STXBP5L: variants seen among roughly 807,000 people sequenced by gnomAD.
The protein encoded by STXBP5L is syntaxin binding protein 5L.
STXBP5L carries 65 observed loss-of-function variants against 144.5 expected under a neutral mutation model. That is an observed-to-expected ratio of 0.45 (90% CI 0.37 to 0.55). The LOEUF is 0.55. STXBP5L is among the 20% of genes least tolerant of loss of function. The probability of loss-of-function intolerance (pLI) is 0.00; values close to 1 mark genes in which losing one functional copy is unlikely to be tolerated. For synonymous variants in STXBP5L, 505 were observed against 469.6 expected (o/e 1.08, Z -0.97); for missense variants, 1,298 against 1,405.5 (o/e 0.92, Z 1.22).
rs929196918 is a variant in STXBP5L, at chr3:121,420,080, A to G, written c.*983A>G. 2.0e-5 allele frequency: 3 copies of G among 152,170 alleles called. No individual in the cohort carries two copies. Among genetic ancestry groups the G allele is most frequent in the African/African-American group, 7.2e-5 (3 of 41,438 alleles). The allele number at this position is 152,170 out of a possible 1,614,324, so 9.4% of individuals were successfully genotyped here. A position where few individuals can be genotyped will look rare whatever the true frequency, so the allele number is the denominator to read the frequency against. Reference sequence around the variant, plus strand: ...AGTTACACAGTATATTACTGTTCAAACCCAGTAGGGTCTGCAATCGAAAGG... The same window carrying G: ...AGTTACACAGTATATTACTGTTCAAGCCCAGTAGGGTCTGCAATCGAAAGG... On this transcript the variant is annotated 3_prime_UTR_variant, in exon 27 of 27. Transcript: ENST00000471454.
chr3:121,016,967 A>G (rs1039398720), intron 3 of STXBP5L, among the ~76,000 whole-genome samples: 2 of 152,236 alleles, frequency 1.3e-5, no homozygotes, highest in African/African-American at 4.8e-5. Flanking sequence ...TATCAAATCC[A>G]GACAAAGACA....
intron 20 of STXBP5L, among the ~76,000 whole-genome samples, chr3:121,367,790 C>CTTTTTTTTTTTTTTTTTT (rs200992044): frequency 9.4e-6 from 1 of 106,304 alleles, no homozygotes; most frequent in Non-Finnish European, 1.8e-5. Flanking sequence ...TTTGCTTTTC[C>CTTTTTTTTTTTTTTTTTT]TTTTTTTTTT....
chr3:121,194,412 T>G (rs1456700418), intron 9 of STXBP5L, among the ~76,000 whole-genome samples: 1 of 152,172 alleles, frequency 6.6e-6, no homozygotes, highest in Non-Finnish European at 1.5e-5. Flanking sequence ...TTTATTTATT[T>G]ATTTTTCAGT....
chr3:121,048,969 C>T (rs1384545153), intron 5 of STXBP5L, among the ~76,000 whole-genome samples: 1 of 152,154 alleles, frequency 6.6e-6, no homozygotes, highest in Admixed American at 6.6e-5. Flanking sequence ...TCCTCTCAAT[C>T]CCAAGGGCAA....
At chr3:121,039,197 AT>A (rs1157585043) in intron 3 of STXBP5L, among the ~76,000 whole-genome samples, 15 of 151,718 alleles carry the variant, frequency 9.9e-5, no homozygotes, top group Admixed American at 2.6e-4. Flanking sequence ...ATTCTGCGTT[AT>A]TTTTTGTTAA....
At position 121,157,576 on chromosome 3, in the gene STXBP5L, T is replaced by C. The variant is rs748356967; in HGVS notation, c.826T>C (p.Leu276=). 1.6e-5 allele frequency: 25 copies of C among 1,606,426 alleles called. No homozygotes were observed. The highest frequency in any genetic ancestry group is 2.1e-5 in the Non-Finnish European group (25 of 1,176,962). ...MCSHSDGSLT[L]WNLKSPSRPF... is the part of the protein sequence containing the mutation. The stretch of plus-strand genomic sequence containing the variant: ...CAGCCATTCAGATGGTAGTTTGACT[T>C]TATGGAACCTGAAAAGCCCAAGTCG... Residue 276 remains leucine, a synonymous_variant, in exon 9 of 27, where the codon TTA becomes CTA. Coordinates refer to ENST00000471454, the MANE Select transcript of STXBP5L (RefSeq NM_001308330.2).
intron 19 of STXBP5L, among the ~76,000 whole-genome samples, chr3:121,312,405 G>T (rs1317497762): frequency 2.0e-4 from 12 of 60,788 alleles, no homozygotes; most frequent in African/African-American, 2.5e-4. Context: ...GCAGAAAAAT[G>T]TAGTTTTATT....
intron 3 of STXBP5L, among the ~76,000 whole-genome samples, chr3:121,001,559 T>C (rs1426608543): frequency 6.6e-6 from 1 of 152,144 alleles, no homozygotes; most frequent in Non-Finnish European, 1.5e-5. Context: ...GTCCTGTCTC[T>C]GCTAACTCCC....
chr3:121,078,106 G>T (rs970294292), intron 5 of STXBP5L, among the ~76,000 whole-genome samples: 1 of 147,916 alleles, frequency 6.8e-6, no homozygotes, highest in Non-Finnish European at 1.5e-5. Context: ...AGACACAAAG[G>T]TTCTCCAAGT....
At position 121,045,527 on chromosome 3, in the gene STXBP5L, C is replaced by T. The variant is rs932441466; in HGVS notation, c.462C>T (p.Asn154=). The T allele has an allele frequency of 5.6e-6, 9 of 1,610,916 alleles. No individual in the cohort carries two copies. Among genetic ancestry groups the T allele is most frequent in the Non-Finnish European group, 7.6e-6 (9 of 1,178,698 alleles). ...RPAILHSLKF[N]RERITYCHLP... is the part of the protein sequence containing the mutation. ...CCATACTCCATTCTCTTAAATTTAA[C>T]CGGGAACGGTAAGAACCTATGAATT... The change falls in exon 5 of 27, where the codon AAC becomes AAT. Residue 154 remains asparagine, a synonymous_variant. Coordinates refer to ENST00000471454, the MANE Select transcript of STXBP5L (RefSeq NM_001308330.2).
chr3:121,116,783 C>G (rs2044249512), intron 6 of STXBP5L, among the ~76,000 whole-genome samples: 1 of 151,764 alleles, frequency 6.6e-6, no homozygotes, highest in South Asian at 2.1e-4. Flanking sequence ...AATCCTAGTC[C>G]TATAAAAGCA....
At chr3:121,384,389 C>T (rs373420767) in intron 22 of STXBP5L, among the ~76,000 whole-genome samples, 3 of 152,012 alleles carry the variant, frequency 2.0e-5, no homozygotes, top group Non-Finnish European at 2.9e-5. Flanking sequence ...AGAGGCTGGG[C>T]GCAGTGGCTC....
At chr3:121,191,548 G>T (rs574291157) in intron 9 of STXBP5L, among the ~76,000 whole-genome samples, 113 of 152,224 alleles carry the variant, frequency 7.4e-4, no homozygotes, top group South Asian at 1.2e-3. Context: ...GAGGGAGAGG[G>T]AGAGGGAGAG....
chr3:121,223,735 T>G (rs916221349), intron 11 of STXBP5L, among the ~76,000 whole-genome samples: 2 of 152,142 alleles, frequency 1.3e-5, no homozygotes, highest in African/African-American at 4.8e-5. Context: ...AAAGACTTTT[T>G]GTAAACATAA....
intron 19 of STXBP5L, among the ~76,000 whole-genome samples, chr3:121,309,216 T>G (rs998501216): frequency 2.0e-5 from 3 of 152,058 alleles, no homozygotes; most frequent in African/African-American, 7.2e-5. Context: ...TTGTGAGACT[T>G]TTTTTTAAAA....
At chr3:121,027,774 G>T (rs966006250) in intron 3 of STXBP5L, among the ~76,000 whole-genome samples, 1 of 151,978 alleles carries the variant, frequency 6.6e-6, no homozygotes, top group South Asian at 2.1e-4. Flanking sequence ...ATTTCACCTT[G>T]TCATGTAACA....
chr3:121,081,410 G>A (rs914921668), intron 5 of STXBP5L, among the ~76,000 whole-genome samples: 1 of 152,030 alleles, frequency 6.6e-6, no homozygotes, highest in Non-Finnish European at 1.5e-5. Context: ...TTTAATGTTT[G>A]TAGTTTATTT....
chr3:120,982,439 G>C (rs1257772126), intron 3 of STXBP5L, among the ~76,000 whole-genome samples: 1 of 152,146 alleles, frequency 6.6e-6, no homozygotes, highest in Non-Finnish European at 1.5e-5. Flanking sequence ...AGGGGAGTTG[G>C]CTGCACCAGC....
rs192780082 is a variant in STXBP5L, at chr3:120,988,569, G to A, written c.287+33532G>A. Among the ~76,000 whole-genome samples, 13 of 152,168 alleles carry A rather than the reference G, an allele frequency of 8.5e-5. No homozygotes were observed. The East Asian group carries it at 9.6e-4, about 11-fold the overall frequency. ...TACTCTGTGAACTCTGGAGAAACAT[G>A]TATGTTGTTCTTTTGTTGGATGAAA... On this transcript the variant is annotated intron_variant, in intron 3 of 26. Coordinates refer to ENST00000471454, the MANE Select transcript of STXBP5L (RefSeq NM_001308330.2).
Sources: gnomAD v4.1 joint callset for allele counts (sites outside exome capture counted in the v4.1 genomes callset) on GRCh38, gnomAD v4.1.1 for gene constraint, MANE v1.5 for transcripts, NCBI Gene and HGNC (gene_info 2026-07-23, HGNC 2026-07-21) for gene names.